The following RARA variants were observed in gnomAD, a reference collection of about 807,000 sequenced individuals.
The protein encoded by RARA is retinoic acid receptor alpha, also known as PML-DDX5-RARA fusion.
Under a neutral mutation model 42.8 loss-of-function variants are expected in RARA, and 5 were observed. That is an observed-to-expected ratio of 0.12 (90% CI 0.06 to 0.25). The LOEUF (loss-of-function observed/expected upper bound fraction) is 0.25. Ranked by LOEUF, RARA falls within the 10% of genes least tolerant of loss-of-function variation. RARA has a pLI of 1.00. For synonymous variants in RARA, 256 were observed against 259.5 expected (o/e 0.99, Z 0.13); for missense variants, 402 against 628.7 (o/e 0.64, Z 3.86).
At chr17:40,353,724 T>G (rs568121247) in intron 6 of RARA, among the ~76,000 whole-genome samples, 1 of 152,158 alleles carries the variant, frequency 6.6e-6, no homozygotes, top group Admixed American at 6.5e-5. Flanking sequence ...CAGACTGTCA[T>G]TTCTCCATGG....
At chr17:40,329,490 T>C (rs1201632269) in intron 1 of RARA, among the ~76,000 whole-genome samples, 1 of 152,184 alleles carries the variant, frequency 6.6e-6, no homozygotes, top group Non-Finnish European at 1.5e-5. Context: ...AGTAGATTTT[T>C]GTATTTTTTA....
chr17:40,342,560 G>A, intron 2 of RARA: 1 of 1,359,560 alleles, frequency 7.4e-7, no homozygotes, highest in Admixed American at 3.5e-5. Flanking sequence ...TTCAGGGCAG[G>A]GGGCGCCCCC....
At position 40,354,884 on chromosome 17, in the gene RARA, G is replaced by C. The variant is rs1009459273; in HGVS notation, c.1012+378G>C. On this transcript the variant is annotated intron_variant, in intron 7 of 8. Coordinates refer to ENST00000254066, the MANE Select transcript of RARA (RefSeq NM_000964.4). The surrounding 1 kb of genome is among the most constrained non-coding windows in gnomAD (Gnocchi z 4.5). ...GTAACAGATACTGTGCAGGTGCCCA[G>C]AGCGAGCTCCAGTGCTTGTTAGTTG... 5.3e-5 allele frequency among the ~76,000 whole-genome samples: 8 copies of C among 152,218 alleles called. No homozygotes were observed. Among genetic ancestry groups the C allele is most frequent in the African/African-American group, 9.7e-5 (4 of 41,446 alleles).
chr17:40,353,822 G>A (rs1248699002), intron 6 of RARA, among the ~76,000 whole-genome samples: 1 of 152,184 alleles, frequency 6.6e-6, no homozygotes, highest in Non-Finnish European at 1.5e-5. Context: ...GTGGATGCAG[G>A]AGGTGCCGTC....
rs1227522265 is a variant in RARA, at chr17:40,355,846, G to A, written c.1172-163G>A. Among the ~76,000 whole-genome samples the A allele has an allele frequency of 6.6e-6, 1 of 152,236 alleles. No individual in the cohort carries two copies. Among genetic ancestry groups the A allele is most frequent in the Non-Finnish European group, 1.5e-5 (1 of 68,042 alleles). On this transcript the variant is annotated intron_variant, in intron 8 of 8. Transcript: ENST00000254066. The surrounding 1 kb of genome is among the most constrained non-coding windows in gnomAD (Gnocchi z 4.1). ...CTTTGCCCCATTGCCACCAGCCTCT[G>A]GACCTGGGGGCTTAAGAGAGCTGGC...
chr17:40,331,479 TCTG>T, intron 2 of RARA, 83 bp downstream of exon 2: 1 of 1,459,304 alleles, frequency 6.9e-7, no homozygotes, highest in Non-Finnish European at 9.2e-7. Context: ...GCACGTCTGT[TCTG>T]CTGTGAGTGG....
chr17:40,326,052 C>T lies in RARA; in HGVS notation c.-362-4805C>T, dbSNP rs1409190276. Among the ~76,000 whole-genome samples, 1 of 152,226 alleles carries T rather than the reference C, an allele frequency of 6.6e-6. No individual in the cohort carries two copies. Among genetic ancestry groups the T allele is most frequent in the Admixed American group, 6.5e-5 (1 of 15,286 alleles). ...GGTTGTGGTCAGGCCTCCACCCACA[C>T]CCCGAATATCCCTTTCCCCACATCC... On this transcript the variant is annotated intron_variant, in intron 1 of 8. Transcript: ENST00000254066. This position sits in a 1 kb window ranked among gnomAD's most constrained non-coding sequence, Gnocchi z 5.2.
intron 2 of RARA, 76 bp from the exon 3 acceptor site, chr17:40,348,240 G>A (rs1222908643): frequency 2.7e-6 from 4 of 1,457,004 alleles, no homozygotes; most frequent in Admixed American, 2.5e-5. Flanking sequence ...TAGGAGGGAC[G>A]GTGAGGCAGG....
chr17:40,342,109 A>AG lies in RARA; in HGVS notation c.179-6202dup, dbSNP rs1364319739. On this transcript the variant is annotated intron_variant, in intron 2 of 8. Transcript: ENST00000254066. The stretch of plus-strand genomic sequence containing the variant: ...GCCTGGACGGGGCGGGGCGGTGGAA[A>AG]GGGGGTGGTGCCCGGAGGGGAGGGG... 7.5e-5 allele frequency: 61 copies of AG among 814,976 alleles called. No homozygotes were observed. The African/African-American group carries it at 1.4e-3, about 18-fold the overall frequency. 50.5% of individuals were successfully genotyped at this position (814,976 alleles called of 1,614,324 possible). A position where few individuals can be genotyped will look rare whatever the true frequency, so the allele number is the denominator to read the frequency against.
At chr17:40,331,919 T>C (rs539203801) in intron 2 of RARA, among the ~76,000 whole-genome samples, 2 of 152,244 alleles carry the variant, frequency 1.3e-5, no homozygotes, top group South Asian at 4.1e-4. Context: ...TAGGATGTGC[T>C]TCCCTTTGTG....
rs1265552284 is a variant in RARA, at chr17:40,356,697, C to A, written c.*471C>A. The A allele has an allele frequency of 5.5e-6, 3 of 540,982 alleles. No individual in the cohort carries two copies. Among genetic ancestry groups the A allele is most frequent in the African/African-American group, 1.9e-5 (1 of 53,764 alleles). The allele number at this position is 540,982 out of a possible 1,614,324, so 33.5% of individuals were successfully genotyped here. ...GGGCGGGGGGTTCCCCCTGTACATA[C>A]CCTGCCATACCAACCCCAGGTATTA... On this transcript the variant is annotated 3_prime_UTR_variant, in exon 9 of 9. Transcript: ENST00000254066.
At chr17:40,315,131 TGTATATATATATATA>T (rs2033174718) in intron 1 of RARA, among the ~76,000 whole-genome samples, 1 of 62,626 alleles carries the variant, frequency 1.6e-5, no homozygotes, top group East Asian at 6.8e-4. Flanking sequence ...TGCTTATATG[TGTATATATATATATA>T]TATATATATA....
intron 1 of RARA, among the ~76,000 whole-genome samples, chr17:40,315,171 T>TATATATATATATATAC (rs1247793097): frequency 2.6e-5 from 2 of 76,578 alleles, no homozygotes; most frequent in Non-Finnish European, 5.0e-5. Context: ...TATATATATA[T>TATATATATATATATAC]ACACACACAC....
intron 2 of RARA, among the ~76,000 whole-genome samples, chr17:40,346,844 G>A (rs1228986561): frequency 3.3e-5 from 5 of 152,218 alleles, no homozygotes; most frequent in Non-Finnish European, 7.3e-5. Context: ...TGGTCTTGGG[G>A]CAGGGAAGGG....
intron 2 of RARA, chr17:40,341,368 G>GTTCCGGC: frequency 6.9e-7 from 1 of 1,451,298 alleles, no homozygotes; most frequent in Non-Finnish European, 9.1e-7. Flanking sequence ...GCCGCGTCGG[G>GTTCCGGC]TTCCGGCGGC....
chr17:40,323,755 G>C (rs373562752), intron 1 of RARA, among the ~76,000 whole-genome samples: 99 of 143,332 alleles, frequency 6.9e-4, no homozygotes, highest in Non-Finnish European at 1.1e-3. Context: ...TGGGTCGGAG[G>C]GGGGGTATGG....
rs564112790 is a variant in RARA, at chr17:40,345,775, C to G, written c.179-2541C>G. Among the ~76,000 whole-genome samples the G allele has an allele frequency of 6.6e-6, 1 of 152,204 alleles. No homozygotes were observed. Among genetic ancestry groups the G allele is most frequent in the Admixed American group, 6.5e-5 (1 of 15,290 alleles). On this transcript the variant is annotated intron_variant, in intron 2 of 8. Coordinates refer to ENST00000254066, the MANE Select transcript of RARA (RefSeq NM_000964.4). This position sits in a 1 kb window ranked among gnomAD's most constrained non-coding sequence, Gnocchi z 4.8. ...TCCCTCCCCCGTTGGTGTCCCTCCC[C>G]ACTCCACCTGTGTGTGCAGGGAGTT...
rs200235947 is a variant in RARA at position 40,331,173 on chromosome 17, C to T, written c.-46C>T. 3.1e-5 allele frequency: 48 copies of T among 1,544,570 alleles called. No individual in the cohort carries two copies. The highest frequency in any genetic ancestry group is 2.4e-4 in the South Asian group (20 of 82,598). On this transcript the variant is annotated 5_prime_UTR_variant, in exon 2 of 9. Transcript: ENST00000254066. ...AGGGGTGGTCTGAAGCCCACCAGAG[C>T]CCCCTGCCAGACTGTCTGCCTCCCT...
intron 1 of RARA, among the ~76,000 whole-genome samples, chr17:40,313,829 C>T (rs2033141304): frequency 6.6e-6 from 1 of 152,076 alleles, no homozygotes; most frequent in Non-Finnish European, 1.5e-5. Flanking sequence ...TTATCATACC[C>T]CCCATCAAGC....
Sources: allele counts gnomAD v4.1 joint callset (sites outside exome capture counted in the v4.1 genomes callset), GRCh38; gene constraint gnomAD v4.1.1; non-coding constraint Gnocchi (gnomAD v3.1); transcripts MANE v1.5; gene names NCBI Gene and HGNC (gene_info 2026-07-23, HGNC 2026-07-21).